The following RHEX variants were observed in gnomAD, a reference collection of about 807,000 sequenced individuals.
RHEX encodes regulator of hemoglobinization and erythroid cell expansion protein.
In RHEX, 18 loss-of-function variants were observed where a neutral mutation model predicts 20.1. The observed-to-expected ratio is 0.90, with a 90% confidence interval of 0.62 to 1.33. The LOEUF (loss-of-function observed/expected upper bound fraction) is 1.33. Ranked by LOEUF, RHEX falls within the 40% of genes most tolerant of loss-of-function variation. The probability of loss-of-function intolerance (pLI) is 0.00; values close to 1 mark genes in which losing one functional copy is unlikely to be tolerated. For missense variants in RHEX, 192 were observed against 214.3 expected (o/e 0.90, Z 0.65); for synonymous variants, 87 against 77.1 (o/e 1.13, Z -0.67).
At position 206,099,716 on chromosome 1, in the gene RHEX, C is replaced by T; in HGVS notation, c.174C>T (p.Gly58=). ...TCCAGGTTCCCAGGCCCAGCCCTGG[C>T]CACCATCATCCACCTGCTGTCAAAG... ...ASLQVPRPSP[G]HHHPPAVKEM... is the part of the protein sequence containing the mutation. The change falls in exon 4 of 6, where the codon GGC becomes GGT. Residue 58 remains glycine, a synonymous_variant. Transcript: ENST00000331555. 2 of 1,613,754 alleles carry T rather than the reference C, an allele frequency of 1.2e-6. No homozygotes were observed. Among genetic ancestry groups the T allele is most frequent in the Non-Finnish European group, 1.7e-6 (2 of 1,179,646 alleles).
intron 1 of RHEX, among the ~76,000 whole-genome samples, chr1:206,064,155 G>A (rs1329984664): frequency 7.0e-6 from 1 of 142,790 alleles, no homozygotes; most frequent in African/African-American, 2.7e-5. Flanking sequence ...CCTCCGCCCG[G>A]CAGCCGCCCC....
intron 1 of RHEX, among the ~76,000 whole-genome samples, chr1:206,063,209 G>A (rs1387870436): frequency 1.3e-5 from 2 of 152,156 alleles, no homozygotes; most frequent in African/African-American, 4.8e-5. Flanking sequence ...ACCTGACATG[G>A]TCAAAGAAAA....
chr1:206,055,546 T>C (rs770784408), intron 1 of RHEX, among the ~76,000 whole-genome samples: 59 of 152,242 alleles, frequency 3.9e-4, no homozygotes, highest in Non-Finnish European at 6.6e-4. Context: ...CTCACATCTA[T>C]TTAGATGCAA....
At chr1:206,098,746 A>T (rs946868695) in intron 3 of RHEX, among the ~76,000 whole-genome samples, 3 of 152,202 alleles carry the variant, frequency 2.0e-5, no homozygotes, top group Non-Finnish European at 4.4e-5. Context: ...ACCTTCATTC[A>T]TTCATTTGTT....
At chr1:206,101,704 C>A (rs781858495) in intron 5 of RHEX, 48 bp from the exon 6 acceptor site, 2 of 1,452,132 alleles carry the variant, frequency 1.4e-6, no homozygotes, top group South Asian at 1.2e-5. Flanking sequence ...TTATTTCCCC[C>A]AAACGTGGTA....
intron 1 of RHEX, among the ~76,000 whole-genome samples, chr1:206,084,817 G>T (rs1295026498): frequency 1.3e-5 from 2 of 152,156 alleles, no homozygotes; most frequent in Non-Finnish European, 2.9e-5. Context: ...GCCAATCATG[G>T]GGTCCTTGTG....
chr1:206,093,189 G>C lies in RHEX; in HGVS notation c.-96-4544G>C, dbSNP rs566627460. Among the ~76,000 whole-genome samples, 10 of 152,046 alleles carry C rather than the reference G, an allele frequency of 6.6e-5. No homozygotes were observed. The South Asian group carries it at 2.1e-3, about 32-fold the overall frequency. On this transcript the variant is annotated intron_variant, in intron 1 of 5. Transcript: ENST00000331555. Reference sequence around the variant, plus strand: ...CAAATTAATGGAGACAGCAAAGAAAGTTTACAGCTACTTCATTTGAAAAGA... The same window carrying C: ...CAAATTAATGGAGACAGCAAAGAAACTTTACAGCTACTTCATTTGAAAAGA...
At position 206,099,729 on chromosome 1, in the gene RHEX, C is replaced by T. The variant is rs782820406; in HGVS notation, c.187C>T (p.Pro63Ser). ...PRPSPGHHHP[P>S]AVKEMKETQT... ...GCCCAGCCCTGGCCACCATCATCCACCTGCTGTCAAAGAGATGAAGGAGAC... is the reference window on the plus strand; with the variant it reads ...GCCCAGCCCTGGCCACCATCATCCATCTGCTGTCAAAGAGATGAAGGAGAC... The change falls in exon 4 of 6, where the codon CCT becomes TCT. Residue 63 changes from proline to serine, a missense_variant. Physicochemically the swap from Pro to Ser is moderately conservative, Grantham distance 74. Coordinates refer to ENST00000331555, the MANE Select transcript of RHEX (RefSeq NM_001007544.4). The T allele has an allele frequency of 6.2e-7, 1 of 1,614,004 alleles. No individual in the cohort carries two copies. The highest frequency in any genetic ancestry group is 8.5e-7 in the Non-Finnish European group (1 of 1,179,868).
At chr1:206,065,755 CTCCA>C (rs1394534877) in intron 1 of RHEX, among the ~76,000 whole-genome samples, 1 of 152,232 alleles carries the variant, frequency 6.6e-6, no homozygotes, top group African/African-American at 2.4e-5. Context: ...GAAGCTGCCT[CTCCA>C]TCCATATTCA....
intron 1 of RHEX, among the ~76,000 whole-genome samples, chr1:206,074,619 C>G (rs748490342): frequency 5.9e-5 from 9 of 152,158 alleles, no homozygotes; most frequent in Admixed American, 1.3e-4. Context: ...ATTTTCATCA[C>G]CCCTAAAGGA....
chr1:206,065,305 G>A (rs557461250), intron 1 of RHEX, among the ~76,000 whole-genome samples: 1 of 152,016 alleles, frequency 6.6e-6, no homozygotes, highest in East Asian at 1.9e-4. Context: ...TCTGGCTACT[G>A]TATTGAGCCA....
At chr1:206,093,887 C>T (rs1363894620) in intron 1 of RHEX, among the ~76,000 whole-genome samples, 7 of 152,036 alleles carry the variant, frequency 4.6e-5, no homozygotes, top group Admixed American at 2.6e-4. Context: ...CTCTGTCACC[C>T]AGGCTCTTCT....
chr1:206,065,371 G>T (rs1662403298), intron 1 of RHEX, among the ~76,000 whole-genome samples: 1 of 152,302 alleles, frequency 6.6e-6, no homozygotes, highest in African/African-American at 2.4e-5. Context: ...ATGCCCAGTG[G>T]TTAAACCCTC....
At chr1:206,082,449 C>T (rs1553286031) in intron 1 of RHEX, among the ~76,000 whole-genome samples, 2 of 151,134 alleles carry the variant, frequency 1.3e-5, no homozygotes, top group African/African-American at 2.4e-5. Flanking sequence ...ACCCAGGAGG[C>T]GGAGGTTGCA....
In RHEX at chr1:206,097,906, G is replaced by C; in HGVS notation, c.11+67G>C. ...GCTAACTGGTGTAGCTGTCTTCCAA[G>C]CACACATAGCACCCTTCCTGGCTGC... On this transcript the variant is annotated intron_variant, in intron 2 of 5. Transcript: ENST00000331555. 2.3e-6 allele frequency: 3 copies of C among 1,281,826 alleles called. No individual in the cohort carries two copies. In the Admixed American group the frequency reaches 5.0e-5, roughly 21 times the overall value. 79.4% of individuals were successfully genotyped at this position (1,281,826 alleles called of 1,614,324 possible). A position where few individuals can be genotyped will look rare whatever the true frequency, so the allele number is the denominator to read the frequency against.
At chr1:206,078,655 C>T (rs926946325) in intron 1 of RHEX, among the ~76,000 whole-genome samples, 1 of 152,150 alleles carries the variant, frequency 6.6e-6, no homozygotes, top group Admixed American at 6.5e-5. Context: ...TTCATTGAAT[C>T]TTAAACAACT....
intron 1 of RHEX, among the ~76,000 whole-genome samples, chr1:206,078,814 T>C (rs1365247456): frequency 2.0e-5 from 3 of 151,966 alleles, no homozygotes; most frequent in Non-Finnish European, 2.9e-5. Flanking sequence ...GTCTATAGAG[T>C]GCTATCCTAA....
chr1:206,087,799 G>C lies in RHEX; in HGVS notation c.-96-9934G>C, dbSNP rs575015940. 4.6e-5 allele frequency among the ~76,000 whole-genome samples: 7 copies of C among 151,974 alleles called. No individual in the cohort carries two copies. In the South Asian group the frequency reaches 1.5e-3, roughly 31 times the overall value. ...TTTTTTGGCTATAGTTAATAACAAC[G>C]TATTGTATTCTTGAAAACTGCTGAG... On this transcript the variant is annotated intron_variant, in intron 1 of 5. Transcript: ENST00000331555.
intron 1 of RHEX, among the ~76,000 whole-genome samples, chr1:206,064,215 G>T (rs1426303770): frequency 6.7e-6 from 1 of 150,052 alleles, no homozygotes; most frequent in Non-Finnish European, 1.5e-5. Context: ...CGTCTGGGAA[G>T]TGAGGAGCGT....
Sources: gnomAD v4.1 joint callset for allele counts (sites outside exome capture counted in the v4.1 genomes callset) on GRCh38, gnomAD v4.1.1 for gene constraint, MANE v1.5 for transcripts, NCBI Gene and HGNC (gene_info 2026-07-23, HGNC 2026-07-21) for gene names.